CACNA2D3: variants seen among roughly 807,000 people sequenced by gnomAD.
The protein encoded by CACNA2D3 is calcium voltage-gated channel auxiliary subunit alpha2delta 3, also known as voltage-dependent calcium channel subunit alpha-2/delta-3.
A neutral mutation model predicts 160.6 loss-of-function variants in CACNA2D3; 60 were observed. That is an observed-to-expected ratio of 0.37 (90% CI 0.30 to 0.46). CACNA2D3 has a LOEUF of 0.46. CACNA2D3 is among the 20% of genes least tolerant of loss of function. The probability of loss-of-function intolerance (pLI) is 1.00; values close to 1 mark genes in which losing one functional copy is unlikely to be tolerated. For synonymous variants in CACNA2D3, 558 were observed against 492.9 expected (o/e 1.13, Z -1.75); for missense variants, 1,205 against 1,365.0 (o/e 0.88, Z 1.85).
chr3:54,336,212 C>G (rs946732323), intron 3 of CACNA2D3, among the ~76,000 whole-genome samples: 2 of 152,096 alleles, frequency 1.3e-5, no homozygotes, highest in African/African-American at 4.8e-5. Flanking sequence ...CACAGCCTGA[C>G]TTCCTCAGCT....
intron 2 of CACNA2D3, among the ~76,000 whole-genome samples, chr3:54,305,016 A>G (rs1350413793): frequency 6.6e-6 from 1 of 152,162 alleles, no homozygotes; most frequent in Non-Finnish European, 1.5e-5. Context: ...GACAGTACAC[A>G]GTTGCATAGA....
intron 3 of CACNA2D3, among the ~76,000 whole-genome samples, chr3:54,332,255 A>G (rs559946763): frequency 6.6e-6 from 1 of 152,296 alleles, no homozygotes; most frequent in South Asian, 2.1e-4. Context: ...GTGCATTTAC[A>G]TATTTTGAAA....
intron 8 of CACNA2D3, among the ~76,000 whole-genome samples, chr3:54,571,266 G>A (rs1475101080): frequency 6.6e-6 from 1 of 152,144 alleles, no homozygotes; most frequent in Admixed American, 6.5e-5. Context: ...GCTTCAGAGA[G>A]AATAGGTTGT....
chr3:54,614,218 C>A (rs1698803727), intron 9 of CACNA2D3, among the ~76,000 whole-genome samples: 1 of 152,220 alleles, frequency 6.6e-6, no homozygotes, highest in South Asian at 2.1e-4. Context: ...GACCTCACTT[C>A]ACTTAGACCA....
At chr3:54,789,877 A>G in intron 13 of CACNA2D3, 2 of 517,486 alleles carry the variant, frequency 3.9e-6, no homozygotes, top group Non-Finnish European at 3.9e-6. Context: ...CGAGCAAGTT[A>G]AGGTGACACA....
chr3:54,529,742 C>A (rs1701778768), intron 5 of CACNA2D3, among the ~76,000 whole-genome samples: 1 of 152,146 alleles, frequency 6.6e-6, no homozygotes, highest in South Asian at 2.1e-4. Context: ...GTATTCTTGT[C>A]ATTAATTATC....
rs551257336 is a variant in CACNA2D3 at position 54,723,151 on chromosome 3, C to T, written c.1168-29448C>T. 5.9e-5 allele frequency among the ~76,000 whole-genome samples: 9 copies of T among 152,348 alleles called. No individual in the cohort carries two copies. The East Asian group carries it at 1.5e-3, about 26-fold the overall frequency. ...AGCCTTGCTGAGCAGCAGTGGGCTA[C>T]ACCTAGTTCAAACTTCCCAGTGGCT... On this transcript the variant is annotated intron_variant, in intron 11 of 37. Coordinates refer to ENST00000474759, the MANE Select transcript of CACNA2D3 (RefSeq NM_018398.3).
chr3:54,689,010 A>AAAAAGAG (rs1553785965), intron 11 of CACNA2D3, among the ~76,000 whole-genome samples: 4,149 of 85,378 alleles, frequency 0.049, 1,197 homozygotes, highest in East Asian at 0.067. Context: ...AAAAAAAAAA[A>AAAAAGAG]AGAATGAGGT....
intron 5 of CACNA2D3, among the ~76,000 whole-genome samples, chr3:54,551,778 C>T (rs573203353): frequency 1.3e-5 from 2 of 152,324 alleles, no homozygotes; most frequent in African/African-American, 2.4e-5. Flanking sequence ...AGTTTTGCAA[C>T]ACTGGCATTG....
chr3:54,724,320 G>T (rs1232012882), intron 11 of CACNA2D3, among the ~76,000 whole-genome samples: 1 of 152,104 alleles, frequency 6.6e-6, no homozygotes, highest in Non-Finnish European at 1.5e-5. Context: ...ATAATAGTGG[G>T]AGACTTTAAC....
intron 4 of CACNA2D3, among the ~76,000 whole-genome samples, chr3:54,467,288 G>A (rs1700646110): frequency 6.6e-6 from 1 of 152,190 alleles, no homozygotes. Context: ...GCTCCCTTCT[G>A]TGCTGTGAAC....
intron 35 of CACNA2D3, among the ~76,000 whole-genome samples, chr3:55,053,541 G>A (rs992954644): frequency 6.6e-6 from 1 of 151,994 alleles, no homozygotes; most frequent in African/African-American, 2.4e-5. Context: ...CTCTAAATCT[G>A]AATATTTTTA....
intron 31 of CACNA2D3, among the ~76,000 whole-genome samples, chr3:54,995,587 C>T (rs1702838553): frequency 6.6e-6 from 1 of 152,124 alleles, no homozygotes; most frequent in South Asian, 2.1e-4. Context: ...TCAGGGAGTT[C>T]CAAAAGCTCC....
intron 4 of CACNA2D3, among the ~76,000 whole-genome samples, chr3:54,389,156 A>G (rs749400588): frequency 6.6e-6 from 1 of 152,058 alleles, no homozygotes; most frequent in Non-Finnish European, 1.5e-5. Context: ...TTAGCCGGGC[A>G]TGGTGGCAGG....
chr3:54,644,990 G>C lies in CACNA2D3; in HGVS notation c.1167+2749G>C, dbSNP rs535957031. On this transcript the variant is annotated intron_variant, in intron 11 of 37. Coordinates refer to ENST00000474759, the MANE Select transcript of CACNA2D3 (RefSeq NM_018398.3). ...TGGTTCATATTCTGTCTTAAAAACT[G>C]TCAATTACCAATCAACATTAAAAGT... is the stretch of plus-strand genomic sequence containing the variant. 9.2e-5 allele frequency among the ~76,000 whole-genome samples: 14 copies of C among 152,314 alleles called. No individual in the cohort carries two copies. The South Asian group carries it at 2.5e-3, about 27-fold the overall frequency.
At chr3:54,895,078 G>C (rs980222179) in intron 25 of CACNA2D3, among the ~76,000 whole-genome samples, 1 of 152,240 alleles carries the variant, frequency 6.6e-6, no homozygotes, top group Admixed American at 6.5e-5. Flanking sequence ...GCTATGCTAT[G>C]TCAGACCGTT....
chr3:54,505,402 A>G (rs1391457808), intron 5 of CACNA2D3, among the ~76,000 whole-genome samples: 1 of 152,066 alleles, frequency 6.6e-6, no homozygotes, highest in Non-Finnish European at 1.5e-5. Flanking sequence ...TTTTCCTCTT[A>G]GAGAAAGTGA....
At chr3:54,220,531 C>T (rs1468955033) in intron 2 of CACNA2D3, among the ~76,000 whole-genome samples, 2 of 152,094 alleles carry the variant, frequency 1.3e-5, no homozygotes, top group East Asian at 3.9e-4. Flanking sequence ...AGGGCTCAGG[C>T]ATGTGAACTT....
chr3:54,965,946 C>T (rs1024080493), intron 27 of CACNA2D3, among the ~76,000 whole-genome samples: 1 of 152,156 alleles, frequency 6.6e-6, no homozygotes, highest in South Asian at 2.1e-4. Flanking sequence ...AGAGAAGCAG[C>T]CTGCATGATT....
Sources: allele counts gnomAD v4.1 joint callset (sites outside exome capture counted in the v4.1 genomes callset), GRCh38; gene constraint gnomAD v4.1.1; transcripts MANE v1.5; gene names NCBI Gene and HGNC (gene_info 2026-07-23, HGNC 2026-07-21).